BAIAP2L1: variants seen among roughly 807,000 people sequenced by gnomAD.
BAIAP2L1 encodes BAR/IMD domain-containing adapter protein 2-like 1.
BAIAP2L1 carries 35 observed loss-of-function variants against 66.3 expected under a neutral mutation model. The observed-to-expected ratio is 0.53, with a 90% confidence interval of 0.40 to 0.70. BAIAP2L1 has a LOEUF of 0.70. Ranked by LOEUF, BAIAP2L1 falls within the 30% of genes least tolerant of loss-of-function variation. The pLI, the probability that BAIAP2L1 is intolerant of heterozygous loss-of-function variation, is 0.00. For synonymous variants in BAIAP2L1, 269 were observed against 248.7 expected (o/e 1.08, Z -0.77); for missense variants, 622 against 656.9 (o/e 0.95, Z 0.58).
chr7:98,347,688 T>C (rs1226776061), intron 3 of BAIAP2L1, among the ~76,000 whole-genome samples: 5 of 151,534 alleles, frequency 3.3e-5, no homozygotes, highest in African/African-American at 1.2e-4. Flanking sequence ...GGCAGGAGAA[T>C]GGTGTGAACC....
intron 12 of BAIAP2L1, among the ~76,000 whole-genome samples, chr7:98,299,210 G>A (rs1800317052): frequency 6.6e-6 from 1 of 151,912 alleles, no homozygotes; most frequent in Non-Finnish European, 1.5e-5. Flanking sequence ...GTAGAGACAG[G>A]GTTTCACCAT....
Position 98,293,580 on chromosome 7 carries a change from C to T in BAIAP2L1, c.1477G>A (p.Ala493Thr). Residue 493 changes from alanine (A) to threonine (T), a missense_variant, in exon 14 of 14, where the codon GCC becomes ACC. Ala to Thr is a moderately conservative substitution (Grantham distance 58). Coordinates refer to ENST00000005260, the MANE Select transcript of BAIAP2L1 (RefSeq NM_018842.5). ...PPFLSGENPFATVKLRPTVTN... is the reference protein window; with the variant it reads ...PPFLSGENPFTTVKLRPTVTN... ...ACAGTCGGGCGGAGTTTCACAGTGG[C>T]AAAGGGGTTTTCTCCGCTGCAGGGG... 1 of 1,613,778 alleles carries T rather than the reference C, an allele frequency of 6.2e-7. No individual in the cohort carries two copies. Among genetic ancestry groups the T allele is most frequent in the Non-Finnish European group, 8.5e-7 (1 of 1,179,842 alleles).
In BAIAP2L1 at chr7:98,310,410, A is replaced by T. The variant is rs751138329; in HGVS notation, c.955+35T>A. 14 of 1,557,474 alleles carry T rather than the reference A, an allele frequency of 9.0e-6. No homozygotes were observed. The Middle Eastern group carries it at 5.0e-4, about 56-fold the overall frequency. ...CAGCTTATCTTAAAACAAATGTAAAAGGTATCTTCAAATAAATCAGACTGA... is the reference window on the plus strand; with the variant it reads ...CAGCTTATCTTAAAACAAATGTAAATGGTATCTTCAAATAAATCAGACTGA... On this transcript the variant is annotated intron_variant, in intron 9 of 13. Coordinates refer to ENST00000005260, the MANE Select transcript of BAIAP2L1 (RefSeq NM_018842.5).
intron 1 of BAIAP2L1, among the ~76,000 whole-genome samples, chr7:98,367,915 C>A (rs573893085): frequency 3.3e-5 from 5 of 152,122 alleles, no homozygotes; most frequent in African/African-American, 9.6e-5. Context: ...TGAGCCACCA[C>A]GCTTGGCCGG....
chr7:98,301,109 C>A (rs2116822273), intron 12 of BAIAP2L1, among the ~76,000 whole-genome samples: 1 of 152,284 alleles, frequency 6.6e-6, no homozygotes, highest in South Asian at 2.1e-4. Flanking sequence ...TCATCTCTGT[C>A]CACAAAACCC....
chr7:98,361,226 G>T (rs953062829), intron 2 of BAIAP2L1, among the ~76,000 whole-genome samples: 1 of 151,912 alleles, frequency 6.6e-6, no homozygotes, highest in Admixed American at 6.6e-5. Flanking sequence ...GCATGGTGGT[G>T]TACACCTATA....
chr7:98,383,052 A>G (rs997272247), intron 1 of BAIAP2L1, among the ~76,000 whole-genome samples: 1 of 152,012 alleles, frequency 6.6e-6, no homozygotes, highest in Non-Finnish European at 1.5e-5. Context: ...AATCCCAGCT[A>G]CTTGGGAGGG....
rs11455938 is a variant in BAIAP2L1, at chr7:98,340,793, GT to G, written c.214+14248del. ...ACTTCCACAGTACATGCTCTTACAG[GT>G]TTTTTTTTTTTTTTGCAGGGGACAG... On this transcript the variant is annotated intron_variant, in intron 3 of 13. Transcript: ENST00000005260. Among the ~76,000 whole-genome samples, 675 of 137,966 alleles carry G rather than the reference GT, an allele frequency of 4.9e-3. 4 individuals are homozygous for G. Among genetic ancestry groups the G allele is most frequent in the African/African-American group, 0.015 (555 of 37,380 alleles). The allele number at this position is 137,966 out of a possible 152,430, so 90.5% of individuals were successfully genotyped here.
At position 98,307,899 on chromosome 7, in the gene BAIAP2L1, G is replaced by A. The variant is rs759657329; in HGVS notation, c.956-3C>T. On this transcript the variant is annotated splice_region_variant and splice_polypyrimidine_tract_variant and intron_variant, in intron 9 of 13. Coordinates refer to ENST00000005260, the MANE Select transcript of BAIAP2L1 (RefSeq NM_018842.5). The stretch of plus-strand genomic sequence containing the variant: ...TAAACTGGGATCTTCGGAAGTACCT[G>A]TTGGAGGGAGTGTAGCAGTAATGGC... 1 of 1,614,128 alleles carries A rather than the reference G, an allele frequency of 6.2e-7. No individual in the cohort carries two copies.
At chr7:98,342,200 C>T (rs917699390) in intron 3 of BAIAP2L1, among the ~76,000 whole-genome samples, 3 of 151,760 alleles carry the variant, frequency 2.0e-5, no homozygotes, top group African/African-American at 7.3e-5. Flanking sequence ...TACAGGTGTA[C>T]GCCACCATGC....
At chr7:98,370,306 C>T (rs1379765323) in intron 1 of BAIAP2L1, among the ~76,000 whole-genome samples, 2 of 126,432 alleles carry the variant, frequency 1.6e-5, no homozygotes, top group East Asian at 2.7e-4. Context: ...ACCCGGGACG[C>T]GGGGTTGCAG....
intron 1 of BAIAP2L1, among the ~76,000 whole-genome samples, chr7:98,390,288 G>T (rs1317732993): frequency 1.3e-5 from 2 of 151,912 alleles, no homozygotes; most frequent in African/African-American, 4.8e-5. Context: ...TTAAAATTAG[G>T]TTTATCTTTA....
intron 3 of BAIAP2L1, among the ~76,000 whole-genome samples, chr7:98,348,185 T>C (rs556344461): frequency 1.3e-5 from 2 of 151,452 alleles, no homozygotes; most frequent in East Asian, 3.9e-4. Flanking sequence ...CAAAGATACA[T>C]GAAAGAGAGT....
intron 12 of BAIAP2L1, among the ~76,000 whole-genome samples, chr7:98,299,005 T>A (rs528900802): frequency 2.2e-4 from 34 of 151,990 alleles, no homozygotes; most frequent in African/African-American, 8.2e-4. Context: ...CCTGACTTTT[T>A]AATTTTCTGT....
intron 3 of BAIAP2L1, among the ~76,000 whole-genome samples, chr7:98,336,493 G>A (rs1007701945): frequency 5.3e-5 from 8 of 152,148 alleles, no homozygotes; most frequent in African/African-American, 1.9e-4. Context: ...GCGGATGGCT[G>A]TAGTTCCAGC....
chr7:98,296,567 T>C (rs894488357), intron 12 of BAIAP2L1, among the ~76,000 whole-genome samples: 1 of 152,170 alleles, frequency 6.6e-6, no homozygotes, highest in Non-Finnish European at 1.5e-5. Flanking sequence ...GAGGTTGTGG[T>C]GAGCTGAGAT....
intron 3 of BAIAP2L1, among the ~76,000 whole-genome samples, chr7:98,324,380 C>CA: frequency 6.6e-6 from 1 of 152,088 alleles, no homozygotes; most frequent in South Asian, 2.1e-4. Context: ...AAATCTCCAA[C>CA]AAAAAAAGAA....
Position 98,317,371 on chromosome 7 carries a change from G to A in BAIAP2L1, c.349-15C>T. 1 of 1,612,184 alleles carries A rather than the reference G, an allele frequency of 6.2e-7. No individual in the cohort carries two copies. The highest frequency in any genetic ancestry group is 1.1e-5 in the South Asian group (1 of 90,994). On this transcript the variant is annotated splice_polypyrimidine_tract_variant and intron_variant, in intron 5 of 13. Coordinates refer to ENST00000005260, the MANE Select transcript of BAIAP2L1 (RefSeq NM_018842.5). ...TTTAGAGTTGCCTGTAAGTTAAATGGCTGTGCTTATTTTACTGTGGCACCA... is the reference window on the plus strand; with the variant it reads ...TTTAGAGTTGCCTGTAAGTTAAATGACTGTGCTTATTTTACTGTGGCACCA...
At chr7:98,346,884 A>C (rs1326846476) in intron 3 of BAIAP2L1, among the ~76,000 whole-genome samples, 2 of 152,198 alleles carry the variant, frequency 1.3e-5, no homozygotes, top group African/African-American at 4.8e-5. Flanking sequence ...CCTTTGTGGC[A>C]CTGGATGAAC....
Sources: allele counts gnomAD v4.1 joint callset (sites outside exome capture counted in the v4.1 genomes callset), GRCh38; gene constraint gnomAD v4.1.1; transcripts MANE v1.5; gene names NCBI Gene and HGNC (gene_info 2026-07-23, HGNC 2026-07-21).